Variants in KATNIP observed in about 807,000 individuals in gnomAD.
The protein encoded by KATNIP is katanin-interacting protein.
Under a neutral mutation model 174.0 loss-of-function variants are expected in KATNIP, and 126 were observed. The observed-to-expected ratio is 0.72, with a 90% CI of 0.63 to 0.84. KATNIP has a LOEUF of 0.84. Ranked by LOEUF, KATNIP falls within the 40% of genes least tolerant of loss-of-function variation. The pLI is 0.00. For missense variants in KATNIP, 1,958 were observed against 2,109.7 expected, an observed-to-expected ratio of 0.93 and a Z score of 1.41; for synonymous variants, 810 against 835.7, an observed-to-expected ratio of 0.97 and a Z score of 0.53.
At chr16:27,598,195 T>C (rs1002330971) in intron 2 of KATNIP, among the ~76,000 whole-genome samples, 1 of 149,990 alleles carries the variant, frequency 6.7e-6, no homozygotes, top group Non-Finnish European at 1.5e-5. Context: ...AAACTGAGAA[T>C]GCGCCACCAT....
In KATNIP at chr16:27,749,510, G is replaced by T. The variant is rs2081412983; in HGVS notation, c.2624-74G>T. 1.0e-5 allele frequency: 15 copies of T among 1,482,330 alleles called. No individual in the cohort carries two copies. The South Asian group carries it at 1.7e-4, about 17-fold the overall frequency. 91.8% of individuals were successfully genotyped at this position (1,482,330 alleles called of 1,614,324 possible). ...TGCCTCACTGAGAGCCACCACAGGAGACAGTCTCTAATGGTCCCCACTTCC... is the reference window on the plus strand; with the variant it reads ...TGCCTCACTGAGAGCCACCACAGGATACAGTCTCTAATGGTCCCCACTTCC... On this transcript the variant is annotated intron_variant, in intron 15 of 27. Coordinates refer to ENST00000261588, the MANE Select transcript of KATNIP (RefSeq NM_015202.5).
intron 7 of KATNIP, among the ~76,000 whole-genome samples, chr16:27,679,715 G>A (rs1026680997): frequency 2.0e-5 from 3 of 146,462 alleles, no homozygotes; most frequent in African/African-American, 7.7e-5. Flanking sequence ...TCGTGCCACT[G>A]CACTGCAGCC....
At chr16:27,774,678 T>G (rs1394585147) in intron 23 of KATNIP, among the ~76,000 whole-genome samples, 1 of 152,200 alleles carries the variant, frequency 6.6e-6, no homozygotes, top group Non-Finnish European at 1.5e-5. Flanking sequence ...GGCAGTTCCC[T>G]GCAACGTCTC....
chr16:27,554,970 T>A (rs1301407841), intron 1 of KATNIP, among the ~76,000 whole-genome samples: 1 of 151,842 alleles, frequency 6.6e-6, no homozygotes, highest in Admixed American at 6.6e-5. Context: ...ACTTTTTTGT[T>A]TTTTGTTAGT....
At chr16:27,763,618 A>C (rs2082026639) in intron 19 of KATNIP, among the ~76,000 whole-genome samples, 1 of 143,510 alleles carries the variant, frequency 7.0e-6, no homozygotes, top group South Asian at 2.3e-4. Flanking sequence ...CTGTCTCAAC[A>C]CAAAAAAAAA....
chr16:27,701,754 T>C lies in KATNIP; in HGVS notation c.1286+59T>C, dbSNP rs1020845459. ...CTTAGCAGTGCAGCCATGGGGATCTTCTTCATGAGGGTTCTTTGCTTTTCC... is the reference window on the plus strand; with the variant it reads ...CTTAGCAGTGCAGCCATGGGGATCTCCTTCATGAGGGTTCTTTGCTTTTCC... On this transcript the variant is annotated intron_variant, in intron 11 of 27. Transcript: ENST00000261588. The C allele has an allele frequency of 2.5e-5, 29 of 1,152,870 alleles. No individual in the cohort carries two copies. The African/African-American group carries it at 4.3e-4, about 17-fold the overall frequency. The allele number at this position is 1,152,870 out of a possible 1,614,324, so 71.4% of individuals were successfully genotyped here.
intron 6 of KATNIP, among the ~76,000 whole-genome samples, chr16:27,662,789 T>C (rs1423158820): frequency 1.3e-5 from 2 of 152,222 alleles, no homozygotes; most frequent in African/African-American, 4.8e-5. Flanking sequence ...TTCTTAGGTA[T>C]GATGTGAAAC....
intron 5 of KATNIP, among the ~76,000 whole-genome samples, chr16:27,638,198 C>A (rs984696506): frequency 6.6e-6 from 1 of 152,186 alleles, no homozygotes; most frequent in Non-Finnish European, 1.5e-5. Context: ...TGACTAGAGC[C>A]CCTCAGAGAC....
intron 5 of KATNIP, among the ~76,000 whole-genome samples, chr16:27,645,019 C>G (rs941487343): frequency 2.0e-5 from 3 of 152,192 alleles, no homozygotes. Context: ...CCCTGGGCAC[C>G]TTGCTCCCCT....
rs1249666333 is a variant in KATNIP at position 27,773,211 on chromosome 16, T to C, written c.4309+2T>C. ...AAAAAATCCCCTTGTCGGAAAACAGTATCCTTTGTAGGACAGGAGTGGGCT... is the reference window on the plus strand; with the variant it reads ...AAAAAATCCCCTTGTCGGAAAACAGCATCCTTTGTAGGACAGGAGTGGGCT... On this transcript the variant is annotated splice_donor_variant, in intron 23 of 27. Transcript: ENST00000261588. LOFTEE classifies it high-confidence loss of function. The C allele has an allele frequency of 1.9e-6, 3 of 1,595,612 alleles. No individual in the cohort carries two copies. The highest frequency in any genetic ancestry group is 2.6e-6 in the Non-Finnish European group (3 of 1,166,796).
intron 18 of KATNIP, among the ~76,000 whole-genome samples, chr16:27,760,951 G>A (rs1042395985): frequency 6.6e-6 from 1 of 152,198 alleles, no homozygotes; most frequent in Non-Finnish European, 1.5e-5. Flanking sequence ...AGGGAGGGGT[G>A]ACAGCACATT....
intron 2 of KATNIP, among the ~76,000 whole-genome samples, chr16:27,602,070 G>A (rs2075544977): frequency 6.6e-6 from 1 of 152,174 alleles, no homozygotes; most frequent in Non-Finnish European, 1.5e-5. Context: ...TCCACTAACA[G>A]CACCAGCCTG....
chr16:27,691,086 T>C (rs2078716368), intron 8 of KATNIP, among the ~76,000 whole-genome samples: 1 of 152,178 alleles, frequency 6.6e-6, no homozygotes, highest in Non-Finnish European at 1.5e-5. Context: ...AATTTCATAT[T>C]CGCCATTTCG....
intron 5 of KATNIP, among the ~76,000 whole-genome samples, chr16:27,636,109 G>A (rs569444883): frequency 4.6e-5 from 7 of 152,216 alleles, no homozygotes; most frequent in Admixed American, 6.5e-5. Context: ...AGCCATGACC[G>A]CACCACTGCA....
At chr16:27,737,330 C>G (rs1302883429) in intron 14 of KATNIP, among the ~76,000 whole-genome samples, 1 of 152,090 alleles carries the variant, frequency 6.6e-6, no homozygotes, top group East Asian at 1.9e-4. Flanking sequence ...TGCAGTGAAC[C>G]CTGATCGAGC....
intron 1 of KATNIP, among the ~76,000 whole-genome samples, chr16:27,561,729 C>T (rs370144462): frequency 5.3e-5 from 8 of 152,106 alleles, no homozygotes; most frequent in Admixed American, 2.0e-4. Context: ...TTCCCTGTAA[C>T]GAGTCCCAAA....
chr16:27,698,579 G>A, intron 9 of KATNIP, 79 bp downstream of exon 9: 1 of 1,405,036 alleles, frequency 7.1e-7, no homozygotes, highest in African/African-American at 1.4e-5. Context: ...AGAAGAGCAA[G>A]TGTGCAGAAG....
chr16:27,561,871 G>T (rs548792199), intron 1 of KATNIP, among the ~76,000 whole-genome samples: 2 of 152,214 alleles, frequency 1.3e-5, no homozygotes, highest in South Asian at 4.1e-4. Context: ...CCTTGCAGGG[G>T]TCACACATTT....
At chr16:27,566,022 GTTT>G (rs200468514) in intron 1 of KATNIP, among the ~76,000 whole-genome samples, 2 of 131,624 alleles carry the variant, frequency 1.5e-5, no homozygotes. Flanking sequence ...ACCAGCAGCT[GTTT>G]TTTTTTTTTT....
Sources: allele counts gnomAD v4.1 joint callset (sites outside exome capture counted in the v4.1 genomes callset), GRCh38; gene constraint gnomAD v4.1.1; transcripts MANE v1.5; gene names NCBI Gene and HGNC (gene_info 2026-07-23, HGNC 2026-07-21).